AK8: variants seen among roughly 807,000 people sequenced by gnomAD.
The protein encoded by AK8 is adenylate kinase 8, also known as ATP-AMP transphosphorylase 8.
In AK8, 44 loss-of-function variants were observed where a neutral mutation model predicts 54.6. The ratio of observed to expected loss-of-function variants is 0.81; its 90% confidence interval spans 0.63 to 1.04. The LOEUF (loss-of-function observed/expected upper bound fraction) is 1.04. Among genes scored for constraint, AK8 ranks in the 50% least tolerant of loss-of-function variants. AK8 has a pLI of 0.00. For missense variants in AK8, 555 were observed against 613.6 expected (o/e 0.90, Z 1.01); for synonymous variants, 239 against 245.6 (o/e 0.97, Z 0.25).
At chr9:132,750,004 T>C (rs35337589) in intron 11 of AK8, among the ~76,000 whole-genome samples, 121,076 of 150,726 alleles carry the variant, frequency 0.8, 48,824 homozygotes, top group Admixed American at 0.86. Context: ...CAGCACACTC[T>C]TGGAGATACT....
rs757082777 is a variant in AK8, at chr9:132,866,953, A to G, written c.170T>C (p.Val57Ala). Reference sequence around the variant, plus strand: ...TGGACCTAATATTACAATCCTGGGCACTGTGGAATAAAAAGATTTGAATGT... The same window carrying G: ...TGGACCTAATATTACAATCCTGGGCGCTGTGGAATAAAAAGATTTGAATGT... ...IQHLHRDNDN[V>A]PRIVILGPPA... is the part of the protein sequence containing the mutation. The change falls in exon 3 of 13, where the codon GTG becomes GCG. Residue 57 changes from valine to alanine, a missense_variant and splice_region_variant. Val to Ala is a moderately conservative substitution (Grantham distance 64, BLOSUM62 0). Coordinates refer to ENST00000298545, the MANE Select transcript of AK8 (RefSeq NM_152572.3). 1 of 1,614,074 alleles carries G rather than the reference A, an allele frequency of 6.2e-7. No homozygotes were observed. Among genetic ancestry groups the G allele is most frequent in the South Asian group, 1.1e-5 (1 of 91,078 alleles).
At chr9:132,743,872 C>T (rs1451455118) in intron 11 of AK8, among the ~76,000 whole-genome samples, 1 of 152,210 alleles carries the variant, frequency 6.6e-6, no homozygotes, top group African/African-American at 2.4e-5. Flanking sequence ...GGCTGGACTC[C>T]AGGGCCATCT....
rs969230249 is a variant in AK8, at chr9:132,789,610, A to AAG, written c.1121+3023_1121+3024insCT. Among the ~76,000 whole-genome samples, 8 of 150,738 alleles carry AAG rather than the reference A, an allele frequency of 5.3e-5. No individual in the cohort carries two copies. The East Asian group carries it at 1.2e-3, about 22-fold the overall frequency. On this transcript the variant is annotated intron_variant, in intron 11 of 12. Coordinates refer to ENST00000298545, the MANE Select transcript of AK8 (RefSeq NM_152572.3). ...ATACTCATCTCACAAAAAAAAAAAA[A>AAG]AAAAAAAAAAAAGAAAGAAAGAAAA...
chr9:132,734,602 G>C (rs1837009990), intron 11 of AK8, among the ~76,000 whole-genome samples: 1 of 152,156 alleles, frequency 6.6e-6, no homozygotes, highest in African/African-American at 2.4e-5. Context: ...GCCCAGTGTG[G>C]TGGCGCACCG....
Position 132,878,085 on chromosome 9 carries a change from G to A in AK8, c.84+87C>T. ...TTCGTGGGCGCGCGACTCGGCCCCAGCTGCGGGTCCCGGCCGCGCACCCGA... is the reference window on the plus strand; with the variant it reads ...TTCGTGGGCGCGCGACTCGGCCCCAACTGCGGGTCCCGGCCGCGCACCCGA... On this transcript the variant is annotated intron_variant, in intron 1 of 12. Transcript: ENST00000298545. The surrounding 1 kb of genome is among the most constrained non-coding windows in gnomAD (Gnocchi z 4.7). The A allele has an allele frequency of 2.6e-6, 4 of 1,538,344 alleles. No individual in the cohort carries two copies. The highest frequency in any genetic ancestry group is 2.6e-6 in the Non-Finnish European group (3 of 1,137,530).
chr9:132,871,128 C>A (rs1011622366), intron 2 of AK8, among the ~76,000 whole-genome samples: 4 of 152,158 alleles, frequency 2.6e-5, no homozygotes, highest in Non-Finnish European at 4.4e-5. Context: ...TGCCTGTAAT[C>A]CAAGCTAGTC....
intron 9 of AK8, among the ~76,000 whole-genome samples, chr9:132,815,404 A>C (rs1841281775): frequency 6.6e-6 from 1 of 152,200 alleles, no homozygotes; most frequent in East Asian, 1.9e-4. Context: ...AAATACAAAA[A>C]TTAGCCAGGT....
intron 11 of AK8, among the ~76,000 whole-genome samples, chr9:132,775,115 G>A (rs1023614985): frequency 1.2e-4 from 18 of 144,440 alleles, no homozygotes; most frequent in African/African-American, 4.9e-4. Flanking sequence ...TGTGCTGAGA[G>A]CAGGGGATGG....
intron 11 of AK8, among the ~76,000 whole-genome samples, chr9:132,730,392 G>A (rs2130936749): frequency 6.6e-6 from 1 of 150,786 alleles, no homozygotes; most frequent in East Asian, 1.9e-4. Context: ...CCAACCCATG[G>A]TATCCAGGCC....
chr9:132,789,907 C>T (rs1839875223), intron 11 of AK8, among the ~76,000 whole-genome samples: 1 of 152,040 alleles, frequency 6.6e-6, no homozygotes, highest in African/African-American at 2.4e-5. Context: ...TATTCTGGGC[C>T]CACCCAGATA....
chr9:132,863,534 T>G (rs1228155111), intron 4 of AK8, 131 bp downstream of exon 4: 10 of 651,730 alleles, frequency 1.5e-5, no homozygotes, highest in Non-Finnish European at 2.7e-6. Flanking sequence ...TGTATCTCAT[T>G]TTACCCCAGC....
At chr9:132,754,798 TG>T (rs141017509) in intron 11 of AK8, among the ~76,000 whole-genome samples, 64 of 149,680 alleles carry the variant, frequency 4.3e-4, no homozygotes, top group Admixed American at 5.3e-4. Flanking sequence ...TTTTGTTTTT[TG>T]GTTTTTTTTT....
intron 5 of AK8, among the ~76,000 whole-genome samples, chr9:132,836,885 G>A (rs2771992): frequency 0.21 from 32,336 of 152,196 alleles, 3,708 homozygotes; most frequent in East Asian, 0.44. Flanking sequence ...ACTTCATAGC[G>A]TTTAGGGTTA....
At chr9:132,727,302 A>T in intron 12 of AK8, 152 bp downstream of exon 12, 1 of 736,872 alleles carries the variant, frequency 1.4e-6, no homozygotes, top group Non-Finnish European at 2.4e-6. Context: ...TATTGCACAG[A>T]ACAGCCAGTT....
rs544058657 is a variant in AK8 at position 132,827,024 on chromosome 9, G to A, written c.587C>T (p.Pro196Leu). 6.2e-7 allele frequency: 1 copy of A among 1,614,226 alleles called. No homozygotes were observed. Among genetic ancestry groups the A allele is most frequent in the African/African-American group, 1.3e-5 (1 of 75,050 alleles). Residue 196 changes from proline to leucine, a missense_variant, in exon 8 of 13, where the codon CCC becomes CTC. Physicochemically the swap from Pro to Leu is moderately conservative, Grantham distance 98. Transcript: ENST00000298545. Reference sequence around the variant, plus strand: ...GAGACGGTTCTGGATTTCAGATTCGGGTGGCCAGTCAAAGGTGGTGTGATA... The same window carrying A: ...GAGACGGTTCTGGATTTCAGATTCGAGTGGCCAGTCAAAGGTGGTGTGATA... ...EIYHTTFDWPPESEIQNRLMV... is the reference protein window; with the variant it reads ...EIYHTTFDWPLESEIQNRLMV...
chr9:132,755,379 C>G (rs913986988), intron 11 of AK8, among the ~76,000 whole-genome samples: 1 of 152,158 alleles, frequency 6.6e-6, no homozygotes, highest in African/African-American at 2.4e-5. Context: ...CGCCTCGACC[C>G]GTCCCACCTG....
At chr9:132,802,555 C>T (rs1331828816) in intron 10 of AK8, among the ~76,000 whole-genome samples, 7 of 152,076 alleles carry the variant, frequency 4.6e-5, no homozygotes, top group Non-Finnish European at 8.8e-5. Context: ...GCCAGCCCCA[C>T]GGAGAGGCTG....
chr9:132,875,323 C>G, intron 1 of AK8, 124 bp from the exon 2 acceptor site: 1 of 1,488,218 alleles, frequency 6.7e-7, no homozygotes. Context: ...AACCTGGGAC[C>G]CAGCCACCGC....
At chr9:132,739,852 G>A (rs760997151) in intron 11 of AK8, among the ~76,000 whole-genome samples, 2 of 152,390 alleles carry the variant, frequency 1.3e-5, no homozygotes, top group South Asian at 4.1e-4. Flanking sequence ...CAGGCCCCAA[G>A]GGGGAGGAAG....
Sources: allele counts gnomAD v4.1 joint callset (sites outside exome capture counted in the v4.1 genomes callset), GRCh38; gene constraint gnomAD v4.1.1; non-coding constraint Gnocchi (gnomAD v3.1); transcripts MANE v1.5; gene names NCBI Gene and HGNC (gene_info 2026-07-23, HGNC 2026-07-21).